Variants in NELL1 observed in about 807,000 individuals in gnomAD.
NELL1 encodes protein kinase C-binding protein NELL1.
Under a neutral mutation model 107.4 loss-of-function variants are expected in NELL1, and 76 were observed. The observed-to-expected ratio is 0.71, with a 90% CI of 0.59 to 0.86. The LOEUF (loss-of-function observed/expected upper bound fraction) is 0.86. Ranked by LOEUF, NELL1 falls within the 40% of genes least tolerant of loss-of-function variation. The probability of loss-of-function intolerance (pLI) is 0.00; values close to 1 mark genes in which losing one functional copy is unlikely to be tolerated. For missense variants in NELL1, 1,024 were observed against 1,005.5 expected, an observed-to-expected ratio of 1.02 and a Z score of -0.25; for synonymous variants, 353 against 341.2, an observed-to-expected ratio of 1.03 and a Z score of -0.38.
intron 2 of NELL1, among the ~76,000 whole-genome samples, chr11:20,703,487 T>C (rs959501073): frequency 3.3e-5 from 5 of 152,182 alleles, no homozygotes; most frequent in African/African-American, 4.8e-5. Flanking sequence ...AGGTTTTCTT[T>C]TGTGTCTCTA....
chr11:21,384,695 T>C (rs1351707814), intron 15 of NELL1, among the ~76,000 whole-genome samples: 1 of 151,584 alleles, frequency 6.6e-6, no homozygotes, highest in Non-Finnish European at 1.5e-5. Context: ...GAATATGCGG[T>C]GTTTGGTTTT....
chr11:21,321,595 A>G (rs531674570), intron 14 of NELL1, among the ~76,000 whole-genome samples: 38 of 152,344 alleles, frequency 2.5e-4, no homozygotes, highest in Middle Eastern at 3.4e-3. Context: ...ACGTGCTGAA[A>G]ATTGTACTAA....
intron 12 of NELL1, among the ~76,000 whole-genome samples, chr11:20,993,703 T>C (rs965202071): frequency 4.6e-5 from 7 of 152,308 alleles, no homozygotes; most frequent in African/African-American, 1.7e-4. Context: ...AAAATGTAAA[T>C]ACTTTGTAAA....
chr11:20,944,054 A>G (rs1201924007), intron 10 of NELL1, among the ~76,000 whole-genome samples: 1 of 152,202 alleles, frequency 6.6e-6, no homozygotes, highest in East Asian at 1.9e-4. Context: ...CTCAAGATGT[A>G]AGCACTAATG....
At chr11:21,232,177 TAA>T (rs59205366) in intron 14 of NELL1, among the ~76,000 whole-genome samples, 8,662 of 116,786 alleles carry the variant, frequency 0.074, 416 homozygotes, top group African/African-American at 0.1. Context: ...TATATATATA[TAA>T]ATTAGCTGGG....
At chr11:20,722,026 T>A (rs1246411932) in intron 2 of NELL1, among the ~76,000 whole-genome samples, 1 of 151,294 alleles carries the variant, frequency 6.6e-6, no homozygotes. Flanking sequence ...TCTCTTTTTT[T>A]TTTTTTTTTT....
At chr11:21,424,024 C>T (rs1007296301) in intron 15 of NELL1, among the ~76,000 whole-genome samples, 8 of 152,108 alleles carry the variant, frequency 5.3e-5, no homozygotes, top group South Asian at 2.1e-4. Context: ...CAGAAAAGTG[C>T]GAAAGATCTC....
chr11:20,976,786 A>G (rs975348878), intron 12 of NELL1, among the ~76,000 whole-genome samples: 1 of 152,162 alleles, frequency 6.6e-6, no homozygotes, highest in African/African-American at 2.4e-5. Flanking sequence ...AGCTTTAGTA[A>G]TATTTACAAA....
chr11:21,321,255 C>T (rs1331276245), intron 14 of NELL1, among the ~76,000 whole-genome samples: 1 of 152,108 alleles, frequency 6.6e-6, no homozygotes, highest in East Asian at 1.9e-4. Flanking sequence ...TCATTTCCTA[C>T]CCAGCATCAG....
intron 5 of NELL1, among the ~76,000 whole-genome samples, chr11:20,896,439 G>A (rs560193712): frequency 7.9e-5 from 12 of 152,220 alleles, no homozygotes; most frequent in East Asian, 1.9e-4. Flanking sequence ...TGCTATAACC[G>A]TGTGTATGTC....
At chr11:20,972,819 G>A (rs1296148680) in intron 12 of NELL1, among the ~76,000 whole-genome samples, 1 of 152,172 alleles carries the variant, frequency 6.6e-6, no homozygotes, top group Non-Finnish European at 1.5e-5. Context: ...GGGACAGAAG[G>A]TAGCAGCAAA....
At chr11:21,102,820 C>T (rs1854854486) in intron 12 of NELL1, among the ~76,000 whole-genome samples, 1 of 152,088 alleles carries the variant, frequency 6.6e-6, no homozygotes, top group Non-Finnish European at 1.5e-5. Flanking sequence ...TCTCTTCTTT[C>T]CCCATCCATT....
intron 16 of NELL1, 114 bp from the exon 17 acceptor site, chr11:21,560,075 C>A: frequency 3.1e-6 from 3 of 982,594 alleles, no homozygotes; most frequent in Non-Finnish European, 1.6e-6. Flanking sequence ...CTTGGCAGTA[C>A]CTAGCACAAG....
At chr11:21,061,416 A>T (rs1332744878) in intron 12 of NELL1, among the ~76,000 whole-genome samples, 1 of 152,200 alleles carries the variant, frequency 6.6e-6, no homozygotes, top group Non-Finnish European at 1.5e-5. Context: ...TTTGAAGGGT[A>T]CACAGGAGTT....
At chr11:21,378,359 C>T (rs549548726) in intron 15 of NELL1, among the ~76,000 whole-genome samples, 1 of 151,356 alleles carries the variant, frequency 6.6e-6, no homozygotes, top group Non-Finnish European at 1.5e-5. Context: ...AAGAAAAACA[C>T]TTAATAATCT....
In NELL1 at chr11:21,251,977, T is replaced by C. The variant is rs185058094; in HGVS notation, c.1549+22523T>C. On this transcript the variant is annotated intron_variant, in intron 14 of 19. Coordinates refer to ENST00000357134, the MANE Select transcript of NELL1 (RefSeq NM_006157.5). Reference sequence around the variant, plus strand: ...TCATGAAAGAACAGGGTTGTGTTCATTGAATGCACACAGGCACACACAGAA... The same window carrying C: ...TCATGAAAGAACAGGGTTGTGTTCACTGAATGCACACAGGCACACACAGAA... 2.8e-4 allele frequency among the ~76,000 whole-genome samples: 42 copies of C among 152,300 alleles called. No homozygotes were observed. The East Asian group carries it at 3.5e-3, about 13-fold the overall frequency.
chr11:21,467,494 T>G (rs1359128201), intron 15 of NELL1, among the ~76,000 whole-genome samples: 3 of 152,072 alleles, frequency 2.0e-5, no homozygotes, highest in Non-Finnish European at 2.9e-5. Context: ...TAAGAAAAAG[T>G]GTTGGCACTA....
At chr11:21,330,325 C>T (rs1432171946) in intron 14 of NELL1, among the ~76,000 whole-genome samples, 1 of 152,080 alleles carries the variant, frequency 6.6e-6, no homozygotes, top group Non-Finnish European at 1.5e-5. Context: ...TGCTTCTCCT[C>T]CCTCACACCA....
chr11:21,376,231 G>C (rs764510255), intron 15 of NELL1, among the ~76,000 whole-genome samples: 2 of 152,074 alleles, frequency 1.3e-5, no homozygotes, highest in African/African-American at 4.8e-5. Flanking sequence ...TGTATATGGT[G>C]AAAGGTAGGA....
Sources: gnomAD v4.1 joint callset for allele counts (sites outside exome capture counted in the v4.1 genomes callset) on GRCh38, gnomAD v4.1.1 for gene constraint, MANE v1.5 for transcripts, NCBI Gene and HGNC (gene_info 2026-07-23, HGNC 2026-07-21) for gene names.